DPH6: variants seen among roughly 807,000 people sequenced by gnomAD.
DPH6 encodes the protein diphthamine biosynthesis 6.
DPH6 carries 33 observed loss-of-function variants against 38.2 expected under a neutral mutation model. The ratio of observed to expected loss-of-function variants is 0.86; its 90% CI spans 0.65 to 1.15. The LOEUF is 1.15. DPH6 is among the 50% of genes most tolerant of loss of function. The pLI is 0.00. For synonymous variants in DPH6, 108 were observed against 103.0 expected, an observed-to-expected ratio of 1.05 and a Z score of -0.30; for missense variants, 325 against 320.0, an observed-to-expected ratio of 1.02 and a Z score of -0.12.
intron 4 of DPH6, among the ~76,000 whole-genome samples, chr15:35,451,866 C>T (rs1208402090): frequency 6.6e-6 from 1 of 152,106 alleles, no homozygotes; most frequent in Admixed American, 6.6e-5. Flanking sequence ...AAAAATTAGC[C>T]AGGCATGGTG....
chr15:35,479,898 C>A (rs1444304085), intron 3 of DPH6, among the ~76,000 whole-genome samples: 1 of 151,948 alleles, frequency 6.6e-6, no homozygotes, highest in Non-Finnish European at 1.5e-5. Flanking sequence ...AATATAATTA[C>A]AATACTAGGA....
At chr15:35,227,792 G>T (rs1485840594) in intron 3 of DPH6, among the ~76,000 whole-genome samples, 2 of 151,132 alleles carry the variant, frequency 1.3e-5, no homozygotes, top group Non-Finnish European at 1.5e-5. Flanking sequence ...TACCATTTTT[G>T]CTGTATCTCA....
chr15:35,355,017 T>C (rs919181162), intron 3 of DPH6, among the ~76,000 whole-genome samples: 7 of 152,244 alleles, frequency 4.6e-5, no homozygotes, highest in Non-Finnish European at 8.8e-5. Context: ...TCTTGTTGAA[T>C]TGATCCCTTT....
At chr15:35,274,319 T>C (rs539179914) in intron 3 of DPH6, among the ~76,000 whole-genome samples, 7 of 152,108 alleles carry the variant, frequency 4.6e-5, no homozygotes, top group African/African-American at 1.7e-4. Flanking sequence ...ACCTAGCCAA[T>C]ACCATTCAGG....
intron 3 of DPH6, among the ~76,000 whole-genome samples, chr15:35,491,764 TATAA>T (rs2054483615): frequency 6.6e-6 from 1 of 150,830 alleles, no homozygotes; most frequent in African/African-American, 2.4e-5. Context: ...TGTATACACA[TATAA>T]ATATATGTAT....
the DPH6 span, among the ~76,000 whole-genome samples, chr15:35,203,498 C>T: frequency 1.3e-5 from 2 of 151,680 alleles, no homozygotes; most frequent in African/African-American, 4.8e-5. Context: ...AGATCCAATG[C>T]TACCTAGTCA....
chr15:35,341,767 A>C (rs2052423473), intron 3 of DPH6, among the ~76,000 whole-genome samples: 1 of 151,778 alleles, frequency 6.6e-6, no homozygotes, highest in South Asian at 2.1e-4. Context: ...GGGGGTACTG[A>C]CCTGTCGCTG....
intron 3 of DPH6, among the ~76,000 whole-genome samples, chr15:35,312,453 A>G (rs2052151262): frequency 6.6e-6 from 1 of 152,208 alleles, no homozygotes; most frequent in East Asian, 1.9e-4. Context: ...CTGGAAAAGC[A>G]GAGATAAACA....
intron 3 of DPH6, among the ~76,000 whole-genome samples, chr15:35,316,297 C>A (rs568219490): frequency 6.6e-6 from 1 of 151,972 alleles, no homozygotes; most frequent in African/African-American, 2.4e-5. Flanking sequence ...TTTACATGTA[C>A]CCCAAAACTA....
At chr15:35,463,043 AT>A (rs542591363) in intron 3 of DPH6, among the ~76,000 whole-genome samples, 1 of 152,198 alleles carries the variant, frequency 6.6e-6, no homozygotes, top group Non-Finnish European at 1.5e-5. Context: ...TTAATAGGTA[AT>A]TTTTAAGAGA....
chr15:35,239,540 A>G (rs185239559), intron 3 of DPH6, among the ~76,000 whole-genome samples: 5,979 of 142,604 alleles, frequency 0.042, 896 homozygotes, highest in African/African-American at 0.14. Flanking sequence ...CTGGGGAAGG[A>G]GCAAGTACCC....
chr15:35,542,045 T>C (rs1163758880), intron 2 of DPH6, among the ~76,000 whole-genome samples: 1 of 152,094 alleles, frequency 6.6e-6, no homozygotes, highest in South Asian at 2.1e-4. Flanking sequence ...TGAGACTGTA[T>C]CTTATCTACC....
chr15:35,498,689 T>C (rs889234403), intron 3 of DPH6, among the ~76,000 whole-genome samples: 1 of 152,184 alleles, frequency 6.6e-6, no homozygotes, highest in African/African-American at 2.4e-5. Flanking sequence ...TTGTAACTTC[T>C]TCACAATGCC....
intron 3 of DPH6, among the ~76,000 whole-genome samples, chr15:35,223,781 G>A (rs1201756263): frequency 6.6e-6 from 1 of 151,838 alleles, no homozygotes; most frequent in African/African-American, 2.4e-5. Flanking sequence ...ATTAATTAAA[G>A]TATATAGTTT....
chr15:35,284,191 C>A (rs946300718), intron 3 of DPH6, among the ~76,000 whole-genome samples: 2 of 152,180 alleles, frequency 1.3e-5, no homozygotes, highest in African/African-American at 4.8e-5. Context: ...CTTTCAGAAA[C>A]TTTGAGAGCT....
chr15:35,436,358 C>G (rs1043115126), intron 5 of DPH6, among the ~76,000 whole-genome samples: 1 of 151,624 alleles, frequency 6.6e-6, no homozygotes, highest in Non-Finnish European at 1.5e-5. Context: ...CCCAGCTACT[C>G]GGGAGGCTGA....
intron 5 of DPH6, among the ~76,000 whole-genome samples, chr15:35,441,155 A>C (rs1035066473): frequency 1.3e-5 from 2 of 152,234 alleles, no homozygotes; most frequent in East Asian, 3.8e-4. Flanking sequence ...AAAAGTCAGC[A>C]ATCAACAGTT....
At chr15:35,377,160 T>A (rs1241496152) in intron 7 of DPH6, among the ~76,000 whole-genome samples, 1 of 152,188 alleles carries the variant, frequency 6.6e-6, no homozygotes, top group Non-Finnish European at 1.5e-5. Flanking sequence ...AAGTATTTGC[T>A]TTATACTCAT....
intron 3 of DPH6, among the ~76,000 whole-genome samples, chr15:35,530,747 G>A (rs1210018673): frequency 6.6e-6 from 1 of 152,166 alleles, no homozygotes; most frequent in Non-Finnish European, 1.5e-5. Context: ...GACAAATATG[G>A]TACAACATTT....
Sources: allele counts gnomAD v4.1 joint callset (sites outside exome capture counted in the v4.1 genomes callset), GRCh38; gene constraint gnomAD v4.1.1; transcripts MANE v1.5; gene names NCBI Gene and HGNC (gene_info 2026-07-23, HGNC 2026-07-21).